The following SPIRE1 variants were observed in gnomAD, a reference collection of about 807,000 sequenced individuals.
SPIRE1 encodes the protein protein spire homolog 1.
Under a neutral mutation model 94.1 loss-of-function variants are expected in SPIRE1, and 40 were observed. The ratio of observed to expected loss-of-function variants is 0.43; its 90% confidence interval spans 0.33 to 0.55. The LOEUF (loss-of-function observed/expected upper bound fraction) is 0.55. Ranked by LOEUF, SPIRE1 falls within the 20% of genes least tolerant of loss-of-function variation. SPIRE1 has a pLI of 0.06. For missense variants in SPIRE1, 838 were observed against 975.2 expected, an observed-to-expected ratio of 0.86 and a Z score of 1.87; for synonymous variants, 376 against 371.7, an observed-to-expected ratio of 1.01 and a Z score of -0.13.
chr18:12,458,725 T>C (rs1468752086), intron 12 of SPIRE1, among the ~76,000 whole-genome samples: 1 of 152,144 alleles, frequency 6.6e-6, no homozygotes, highest in Admixed American at 6.5e-5. Flanking sequence ...GATAATCAAA[T>C]GCCAGCAGGT....
At position 12,446,881 on chromosome 18, in the gene SPIRE1, A is replaced by G. The variant is rs368312770; in HGVS notation, c.*2757T>C. 2.6e-5 allele frequency: 4 copies of G among 152,370 alleles called. No individual in the cohort carries two copies. The East Asian group carries it at 7.7e-4, about 29-fold the overall frequency. The allele number at this position is 152,370 out of a possible 1,614,324, so 9.4% of individuals were successfully genotyped here. A position where few individuals can be genotyped will look rare whatever the true frequency, so the allele number is the denominator to read the frequency against. ...CATAAGATCATTTTAAGCCTCTTACATAACCACCTTCTGGTTTCATTTGAA... is the reference window on the plus strand; with the variant it reads ...CATAAGATCATTTTAAGCCTCTTACGTAACCACCTTCTGGTTTCATTTGAA... On this transcript the variant is annotated 3_prime_UTR_variant, in exon 17 of 17. Transcript: ENST00000409402.
chr18:12,556,693 C>T (rs968264159), intron 2 of SPIRE1, among the ~76,000 whole-genome samples: 3 of 151,606 alleles, frequency 2.0e-5, no homozygotes, highest in African/African-American at 4.9e-5. Flanking sequence ...TGGAGTTGTT[C>T]CTCCCTCCCG....
chr18:12,500,546 G>A (rs147701448), intron 6 of SPIRE1, among the ~76,000 whole-genome samples: 33 of 152,186 alleles, frequency 2.2e-4, no homozygotes, highest in Middle Eastern at 3.4e-3. Flanking sequence ...TGTGGAACAC[G>A]GTTTGGTAGT....
chr18:12,614,301 T>C (rs914186040), intron 2 of SPIRE1, among the ~76,000 whole-genome samples: 1 of 152,098 alleles, frequency 6.6e-6, no homozygotes, highest in Non-Finnish European at 1.5e-5. Flanking sequence ...GATATATATA[T>C]AATGAAAGTT....
At chr18:12,549,439 G>GGTTTTTTTTTT (rs2035275774) in intron 2 of SPIRE1, among the ~76,000 whole-genome samples, 3 of 41,248 alleles carry the variant, frequency 7.3e-5, no homozygotes, top group Non-Finnish European at 1.2e-4. Context: ...TGTTATTGTT[G>GGTTTTTTTTTT]TTTTTTTTTT....
intron 2 of SPIRE1, among the ~76,000 whole-genome samples, chr18:12,579,206 C>T (rs1343745987): frequency 1.5e-4 from 16 of 105,756 alleles, no homozygotes; most frequent in African/African-American, 4.4e-4. Context: ...CACATACACA[C>T]ACACACACAC....
At chr18:12,602,697 A>C (rs1028755243) in intron 2 of SPIRE1, among the ~76,000 whole-genome samples, 4 of 152,224 alleles carry the variant, frequency 2.6e-5, no homozygotes, top group African/African-American at 9.7e-5. Flanking sequence ...GGAGACATGC[A>C]ATCAGGTCTA....
chr18:12,463,407 T>G lies in SPIRE1; in HGVS notation c.1582A>C (p.Thr528Pro). Residue 528 changes from threonine to proline, a missense_variant, in exon 12 of 17, where the codon ACG becomes CCG. This residue lies in a region of SPIRE1 where 645 missense variants were observed against 804.7 expected (regional missense o/e 0.80). Transcript: ENST00000409402. The part of the protein sequence containing the change: ...PQRRHSIEKE[T>P]PTNVRQFLPP... Reference sequence around the variant, plus strand: ...AGGAACTGCCTCACGTTAGTAGGCGTTTCCTTTTCAATGGAATGTCGTCTC... The same window carrying G: ...AGGAACTGCCTCACGTTAGTAGGCGGTTCCTTTTCAATGGAATGTCGTCTC... The G allele has an allele frequency of 6.2e-7, 1 of 1,614,034 alleles. No individual in the cohort carries two copies. Among genetic ancestry groups the G allele is most frequent in the Non-Finnish European group, 8.5e-7 (1 of 1,179,948 alleles).
At chr18:12,589,594 C>T (rs935488020) in intron 2 of SPIRE1, among the ~76,000 whole-genome samples, 1 of 152,138 alleles carries the variant, frequency 6.6e-6, no homozygotes, top group African/African-American at 2.4e-5. Context: ...GTAGAACTAG[C>T]CTGTTCTGAA....
intron 2 of SPIRE1, among the ~76,000 whole-genome samples, chr18:12,560,535 A>T (rs1463104672): frequency 2.0e-5 from 3 of 152,206 alleles, no homozygotes; most frequent in Non-Finnish European, 4.4e-5. Context: ...CTAAAAATTA[A>T]AACAATTGAA....
At chr18:12,528,846 C>T (rs2034601072) in intron 4 of SPIRE1, among the ~76,000 whole-genome samples, 1 of 152,124 alleles carries the variant, frequency 6.6e-6, no homozygotes, top group Admixed American at 6.5e-5. Context: ...GGTGAGAAAC[C>T]AGACCTACAA....
chr18:12,634,466 A>C (rs995734602), intron 2 of SPIRE1, among the ~76,000 whole-genome samples: 6 of 152,064 alleles, frequency 3.9e-5, no homozygotes, highest in African/African-American at 1.4e-4. Context: ...GAAATTACTA[A>C]GAGCTCTGGA....
chr18:12,573,742 CT>C (rs34163475), intron 2 of SPIRE1, among the ~76,000 whole-genome samples: 1,727 of 149,770 alleles, frequency 0.012, 34 homozygotes, highest in African/African-American at 0.04. Flanking sequence ...TTTAATTTTT[CT>C]TTTTTTTTTC....
At chr18:12,658,130 C>T, upstream of SPIRE1, 1 of 959,932 alleles carries the variant, frequency 1.0e-6, no homozygotes, top group Non-Finnish European at 1.2e-6. Context: ...CGCCCCGCCC[C>T]GCCTCGCGCC....
At chr18:12,514,624 G>T (rs902010984) in intron 4 of SPIRE1, among the ~76,000 whole-genome samples, 8 of 152,130 alleles carry the variant, frequency 5.3e-5, no homozygotes, top group African/African-American at 1.9e-4. Flanking sequence ...GTCAACTTTA[G>T]TAAGAGGAAG....
chr18:12,549,444 T>TTTG (rs2035278645), intron 2 of SPIRE1, among the ~76,000 whole-genome samples: 2 of 87,768 alleles, frequency 2.3e-5, no homozygotes, highest in South Asian at 8.1e-4. Context: ...TTGTTGTTTT[T>TTTG]TTTTTTTTTT....
chr18:12,544,373 ATTTTTTT>A (rs71371276), intron 3 of SPIRE1, among the ~76,000 whole-genome samples: 6 of 146,230 alleles, frequency 4.1e-5, no homozygotes, highest in Non-Finnish European at 9.0e-5. Context: ...TTAATTTTGT[ATTTTTTT>A]TTTTAGTAGA....
At chr18:12,479,412 G>A (rs35115161) in intron 10 of SPIRE1, among the ~76,000 whole-genome samples, 6,525 of 152,016 alleles carry the variant, frequency 0.043, 415 homozygotes, top group African/African-American at 0.14. Context: ...TGGGCTCAGC[G>A]ATACTCCTGC....
chr18:12,491,254 A>G (rs2033222998), intron 8 of SPIRE1, among the ~76,000 whole-genome samples: 1 of 151,142 alleles, frequency 6.6e-6, no homozygotes, highest in Non-Finnish European at 1.5e-5. Context: ...AGAATCCCCA[A>G]GAAAATCCTA....
Sources: gnomAD v4.1 joint callset for allele counts (sites outside exome capture counted in the v4.1 genomes callset) on GRCh38, gnomAD v4.1.1 for gene constraint, gnomAD v4.1.1 regional missense constraint, MANE v1.5 for transcripts, NCBI Gene and HGNC (gene_info 2026-07-23, HGNC 2026-07-21) for gene names.